Variants in WDR19 observed in about 807,000 individuals in gnomAD.
WDR19 encodes the protein WD repeat domain 19, also known as WD repeat-containing protein 19.
In WDR19, 121 loss-of-function variants were observed where a neutral mutation model predicts 180.0. The ratio of observed to expected loss-of-function variants is 0.67; its 90% CI spans 0.58 to 0.78. The LOEUF (loss-of-function observed/expected upper bound fraction) is 0.78, where lower values mean the gene tolerates loss of function less well. WDR19 is among the 30% of genes least tolerant of loss of function. The probability of loss-of-function intolerance (pLI) is 0.00; values close to 1 mark genes in which losing one functional copy is unlikely to be tolerated. For synonymous variants in WDR19, 497 were observed against 540.7 expected (o/e 0.92, Z 1.12); for missense variants, 1,450 against 1,640.7 (o/e 0.88, Z 2.01).
chr4:39,252,848 A>G (rs1007327914), intron 24 of WDR19, among the ~76,000 whole-genome samples: 1 of 152,156 alleles, frequency 6.6e-6, no homozygotes, highest in Non-Finnish European at 1.5e-5. Context: ...TTTCTATATT[A>G]CTATTATAAT....
rs1736142058 is a variant in WDR19 at position 39,278,547 on chromosome 4, A to T, written c.3926A>T (p.Asn1309Ile). The change falls in exon 36 of 37, where the codon AAC becomes ATC. Residue 1309 changes from asparagine to isoleucine, a missense_variant. Asn to Ile is a moderately radical substitution (Grantham distance 149, BLOSUM62 -3). Coordinates refer to ENST00000399820, the MANE Select transcript of WDR19 (RefSeq NM_025132.4). ...TTCCCTCCCCTAAACAGCATGCTAA[A>T]CACTGAAAGCACATGTCCTATGTGT... The part of the protein sequence containing the change: ...ALYSELKIML[N>I]TESTCPMCSE... 1.2e-6 allele frequency: 2 copies of T among 1,612,018 alleles called. No homozygotes were observed.
rs1729134591 is a variant in WDR19, at chr4:39,217,020, A to T, written c.1250-114A>T. ...TATTTAATCATTTAAGATTAAAATG[A>T]AATTTTAAGTTCAGAATATTTTTGC... is the stretch of plus-strand genomic sequence containing the variant. On this transcript the variant is annotated intron_variant, in intron 12 of 36. Coordinates refer to ENST00000399820, the MANE Select transcript of WDR19 (RefSeq NM_025132.4). 5 of 635,662 alleles carry T rather than the reference A, an allele frequency of 7.9e-6. No homozygotes were observed. In the South Asian group the frequency reaches 8.1e-5, roughly 10 times the overall value. The allele number at this position is 635,662 out of a possible 1,614,324, so 39.4% of individuals were successfully genotyped here.
chr4:39,271,641 C>T (rs1447120390), intron 31 of WDR19, among the ~76,000 whole-genome samples: 1 of 152,200 alleles, frequency 6.6e-6, no homozygotes, highest in Non-Finnish European at 1.5e-5. Flanking sequence ...ATACATATCT[C>T]TGTAAAGATA....
chr4:39,240,096 G>C (rs1184522396), intron 20 of WDR19, among the ~76,000 whole-genome samples, 181 bp from the exon 21 acceptor site: 1 of 145,236 alleles, frequency 6.9e-6, no homozygotes, highest in Admixed American at 7.0e-5. Context: ...AAGATCACTT[G>C]AGCCAGTGAG....
In WDR19 at chr4:39,253,247, T is replaced by G. The variant is rs1262914674; in HGVS notation, c.2831T>G (p.Ile944Ser). Residue 944 changes from isoleucine to serine, a missense_variant, in exon 25 of 37, where the codon ATT (isoleucine) becomes AGT (serine). Physicochemically the swap from Ile to Ser is moderately radical, Grantham distance 142. Transcript: ENST00000399820. ...HLNNPEKAVN[I>S]VRETQSLDGA... is the part of the protein sequence containing the mutation. The stretch of plus-strand genomic sequence containing the variant: ...AATAATCCTGAAAAAGCTGTCAATA[T>G]TGTTAGAGAGACCCAGTCTCTGGAT... The G allele has an allele frequency of 6.2e-7, 1 of 1,613,562 alleles. No homozygotes were observed.
At chr4:39,280,860 T>C (rs1222511975) in intron 36 of WDR19, among the ~76,000 whole-genome samples, 1 of 152,206 alleles carries the variant, frequency 6.6e-6, no homozygotes, top group Admixed American at 6.5e-5. Context: ...TTATAGTCAT[T>C]ACTCTTATAT....
intron 31 of WDR19, 35 bp from the exon 32 acceptor site, chr4:39,272,945 A>T: frequency 6.6e-7 from 1 of 1,513,800 alleles, no homozygotes; most frequent in Non-Finnish European, 8.9e-7. Context: ...CTAATCAATG[A>T]CTATAAGAAG....
In WDR19 at chr4:39,225,000, T is replaced by C; in HGVS notation, c.1596T>C (p.Ile532=). 6.4e-7 allele frequency: 1 copy of C among 1,567,498 alleles called. No individual in the cohort carries two copies. The highest frequency in any genetic ancestry group is 8.6e-7 in the Non-Finnish European group (1 of 1,157,914). ...CAAATGGGACCAGATTAGTTTTCAT[T>C]GATGAAAAAAGTGATGGATTTGTTT... ...PDPNGTRLVF[I]DEKSDGFVYC... is the part of the protein sequence containing the mutation. The change falls in exon 15 of 37, where the codon ATT becomes ATC. Residue 532 remains isoleucine (I), a synonymous_variant. Transcript: ENST00000399820.
intron 7 of WDR19, among the ~76,000 whole-genome samples, chr4:39,204,527 T>C (rs1259604990): frequency 6.6e-6 from 1 of 152,262 alleles, no homozygotes; most frequent in Non-Finnish European, 1.5e-5. Flanking sequence ...ATTAAATTGA[T>C]AGTGACTTAC....
downstream of WDR19, chr4:39,285,810 A>ATATC (rs1737150632): frequency 6.6e-6 from 1 of 152,346 alleles, no homozygotes; most frequent in Non-Finnish European, 1.5e-5. Context: ...TGTTGACTAG[A>ATATC]TATCTGTGAC....
At chr4:39,234,122 G>T (rs1731145199) in intron 19 of WDR19, among the ~76,000 whole-genome samples, 1 of 152,172 alleles carries the variant, frequency 6.6e-6, no homozygotes, top group Admixed American at 6.6e-5. Context: ...AGATAAATAA[G>T]CTAATCCCCT....
chr4:39,218,134 A>G, intron 14 of WDR19, 29 bp downstream of exon 14: 3 of 1,575,210 alleles, frequency 1.9e-6, no homozygotes, highest in Non-Finnish European at 1.7e-6. Flanking sequence ...TTTAGAGAAC[A>G]CTGGGAATTT....
At chr4:39,186,248 G>A (rs895805556) in intron 2 of WDR19, among the ~76,000 whole-genome samples, 23 of 152,056 alleles carry the variant, frequency 1.5e-4, no homozygotes, top group Non-Finnish European at 2.9e-4. Flanking sequence ...GGGAGGCCAA[G>A]GCAGGCAGAT....
At chr4:39,244,925 CTT>C (rs11356985) in intron 23 of WDR19, among the ~76,000 whole-genome samples, 12 of 133,892 alleles carry the variant, frequency 9.0e-5, no homozygotes, top group African/African-American at 3.3e-4. Flanking sequence ...GATTTTCTTT[CTT>C]TTTTTTTTTT....
At chr4:39,240,762 C>T (rs969778671) in intron 21 of WDR19, among the ~76,000 whole-genome samples, 2 of 151,548 alleles carry the variant, frequency 1.3e-5, no homozygotes, top group East Asian at 1.9e-4. Context: ...CCAGCCTGGC[C>T]AATATGGTGA....
In WDR19 at chr4:39,281,236, T is replaced by TATAGAGAGAGAG. The variant is rs762298152; in HGVS notation, c.*13+2574_*13+2575insTAGAGAGAGAGA. On this transcript the variant is annotated intron_variant, in intron 36 of 36. Transcript: ENST00000399820. Reference sequence around the variant, plus strand: ...GTGTGTATATATATATATATATATATAGAGAGAGAGAGAGAGAGAGAGAGA... The same window carrying TATAGAGAGAGAG: ...GTGTGTATATATATATATATATATATATAGAGAGAGAGAGAGAGAGAGAGAGAGAGAGAGAGA... 2.1e-3 allele frequency among the ~76,000 whole-genome samples: 220 copies of TATAGAGAGAGAG among 103,996 alleles called. 5 individuals carry two copies. Among genetic ancestry groups the TATAGAGAGAGAG allele is most frequent in the African/African-American group, 9.4e-3 (182 of 19,324 alleles). 68.2% of individuals were successfully genotyped at this position (103,996 alleles called of 152,430 possible).
chr4:39,274,279 G>A (rs1735681797), intron 32 of WDR19: 1 of 153,646 alleles, frequency 6.5e-6, no homozygotes, highest in Non-Finnish European at 1.4e-5. Flanking sequence ...ATGCGGGCAA[G>A]GTATGGGATA....
At chr4:39,211,868 A>G (rs1400228541) in intron 9 of WDR19, among the ~76,000 whole-genome samples, 3 of 151,934 alleles carry the variant, frequency 2.0e-5, no homozygotes, top group African/African-American at 7.3e-5. Context: ...AATGAAATTT[A>G]TATCAAAATC....
Position 39,224,864 on chromosome 4 carries a change from G to A in WDR19, c.1480-20G>A, listed in dbSNP as rs1730079125. 7.0e-7 allele frequency: 1 copy of A among 1,436,500 alleles called. No individual in the cohort carries two copies. The highest frequency in any genetic ancestry group is 1.4e-5 in the South Asian group (1 of 70,928). The allele number at this position is 1,436,500 out of a possible 1,614,324, so 89.0% of individuals were successfully genotyped here. On this transcript the variant is annotated intron_variant, in intron 14 of 36. Coordinates refer to ENST00000399820, the MANE Select transcript of WDR19 (RefSeq NM_025132.4). ...GACTACCTTTTATATTTTCATGGCT[G>A]GATTTTTTTTTTTTTTTAGACTGGT... is the stretch of plus-strand genomic sequence containing the variant.
Sources: allele counts gnomAD v4.1 joint callset (sites outside exome capture counted in the v4.1 genomes callset), GRCh38; gene constraint gnomAD v4.1.1; transcripts MANE v1.5; gene names NCBI Gene and HGNC (gene_info 2026-07-23, HGNC 2026-07-21).